The following ETFBKMT variants were observed in gnomAD, a reference collection of about 807,000 sequenced individuals.
ETFBKMT encodes electron transfer flavoprotein subunit beta lysine methyltransferase.
A neutral mutation model predicts 18.3 loss-of-function variants in ETFBKMT; 13 were observed. That is an observed-to-expected ratio of 0.71 (90% CI 0.46 to 1.13). ETFBKMT has a LOEUF of 1.13. Ranked by LOEUF, ETFBKMT falls within the 50% of genes most tolerant of loss-of-function variation. The pLI is 0.00. For synonymous variants in ETFBKMT, 84 were observed against 107.9 expected (o/e 0.78, Z 1.37); for missense variants, 293 against 306.2 (o/e 0.96, Z 0.32).
Position 31,666,363 on chromosome 12 carries a change from G to T in ETFBKMT, c.445+146G>T. ...ATCTCTGTGCACTGGGACATTATCTGTAGGAATCCCCTGAGGTCTGAGTAG... is the reference window on the plus strand; with the variant it reads ...ATCTCTGTGCACTGGGACATTATCTTTAGGAATCCCCTGAGGTCTGAGTAG... On this transcript the variant is annotated intron_variant, in intron 3 of 3. Transcript: ENST00000357721. 6.9e-6 allele frequency: 6 copies of T among 866,372 alleles called. No homozygotes were observed. The South Asian group carries it at 1.2e-4, about 18-fold the overall frequency. 53.7% of individuals were successfully genotyped at this position (866,372 alleles called of 1,614,324 possible). A position where few individuals can be genotyped will look rare whatever the true frequency, so the allele number is the denominator to read the frequency against.
At chr12:31,651,008 C>T (rs529597929) in intron 1 of ETFBKMT, among the ~76,000 whole-genome samples, 2 of 152,214 alleles carry the variant, frequency 1.3e-5, no homozygotes, top group East Asian at 3.9e-4. Context: ...GCACCATTAC[C>T]CCTCAAACCC....
At chr12:31,667,162 T>C (rs1347067043) in intron 3 of ETFBKMT, among the ~76,000 whole-genome samples, 1 of 152,114 alleles carries the variant, frequency 6.6e-6, no homozygotes, top group East Asian at 1.9e-4. Flanking sequence ...GCCCAGCTAA[T>C]TTTTGTATTT....
chr12:31,664,619 T>TC (rs1555183781), intron 2 of ETFBKMT, among the ~76,000 whole-genome samples: 3 of 149,594 alleles, frequency 2.0e-5, no homozygotes, highest in East Asian at 1.9e-4. Context: ...TTTCTTTCTT[T>TC]TTTTTTTTTT....
chr12:31,661,655 T>A lies in ETFBKMT; in HGVS notation c.-113-186T>A, dbSNP rs552980915. Among the ~76,000 whole-genome samples, 6 of 152,136 alleles carry A rather than the reference T, an allele frequency of 3.9e-5. No individual in the cohort carries two copies. In the East Asian group the frequency reaches 1.2e-3, roughly 29 times the overall value. On this transcript the variant is annotated intron_variant, in intron 1 of 3. Coordinates refer to ENST00000357721, the MANE Select transcript of ETFBKMT (RefSeq NM_001135863.2). ...TTTGTATTTTTAGTAGAGACAGGGT[T>A]TCACCATGATGGCCACACTGGTCTT... is the stretch of plus-strand genomic sequence containing the variant.
At position 31,672,255 on chromosome 12, in the gene ETFBKMT, A is replaced by G; in HGVS notation, c.*4265A>G. On this transcript the variant is annotated 3_prime_UTR_variant, in exon 4 of 4. Coordinates refer to ENST00000357721, the MANE Select transcript of ETFBKMT (RefSeq NM_001135863.2). Reference sequence around the variant, plus strand: ...AAATCTCTATAGATGGTTTCCTGGGAAAGTAGTTTTGATAAGCTTTCCTAG... The same window carrying G: ...AAATCTCTATAGATGGTTTCCTGGGGAAGTAGTTTTGATAAGCTTTCCTAG... 1 of 1,280,736 alleles carries G rather than the reference A, an allele frequency of 7.8e-7. No individual in the cohort carries two copies. Among genetic ancestry groups the G allele is most frequent in the East Asian group, 2.5e-5 (1 of 39,820 alleles). 79.3% of individuals were successfully genotyped at this position (1,280,736 alleles called of 1,614,324 possible). A position where few individuals can be genotyped will look rare whatever the true frequency, so the allele number is the denominator to read the frequency against.
In ETFBKMT at chr12:31,672,170, G is replaced by A. The variant is rs1334807509; in HGVS notation, c.*4180G>A. ...TATACCAAGACTTAGCTAATTCTCT[G>A]AGAGTTATAACTTAAGACAATAAAA... is the stretch of plus-strand genomic sequence containing the variant. On this transcript the variant is annotated 3_prime_UTR_variant, in exon 4 of 4. Coordinates refer to ENST00000357721, the MANE Select transcript of ETFBKMT (RefSeq NM_001135863.2). The A allele has an allele frequency of 4.6e-6, 3 of 650,612 alleles. No individual in the cohort carries two copies. The highest frequency in any genetic ancestry group is 2.8e-5 in the Admixed American group (1 of 35,986). The allele number at this position is 650,612 out of a possible 1,614,324, so 40.3% of individuals were successfully genotyped here. A position where few individuals can be genotyped will look rare whatever the true frequency, so the allele number is the denominator to read the frequency against.
rs141097213 is a variant in ETFBKMT at position 31,669,820 on chromosome 12, C to CT, written c.*1846dup. ...GGACAGATTCCTAGAGCTTTTGATTCTTTTTTTTTTTTTTTTGAGGCAGAG... is the reference window on the plus strand; with the variant it reads ...GGACAGATTCCTAGAGCTTTTGATTCTTTTTTTTTTTTTTTTTGAGGCAGAG... On this transcript the variant is annotated 3_prime_UTR_variant, in exon 4 of 4. Coordinates refer to ENST00000357721, the MANE Select transcript of ETFBKMT (RefSeq NM_001135863.2). 21,867 of 139,946 alleles carry CT rather than the reference C, an allele frequency of 0.16. 1,692 individuals are homozygous for CT. The highest frequency in any genetic ancestry group is 0.17 in the Non-Finnish European group (10,758 of 64,332). 8.7% of individuals were successfully genotyped at this position (139,946 alleles called of 1,614,324 possible).
rs2139631794 is a variant in ETFBKMT at position 31,667,861 on chromosome 12, G to A, written c.660G>A (p.Gly220=). The A allele has an allele frequency of 6.2e-7, 1 of 1,614,156 alleles. No homozygotes were observed. The highest frequency in any genetic ancestry group is 2.2e-5 in the East Asian group (1 of 44,886). ...CTCGAGTACTGATTGGTGACCCTGGGCGGCCCCAGTTCAGTGGACACAGCA... is the reference window on the plus strand; with the variant it reads ...CTCGAGTACTGATTGGTGACCCTGGACGGCCCCAGTTCAGTGGACACAGCA... ...YRTRVLIGDP[G]RPQFSGHSIQ... Residue 220 remains glycine, a synonymous_variant, in exon 4 of 4, where the codon GGG becomes GGA. Coordinates refer to ENST00000357721, the MANE Select transcript of ETFBKMT (RefSeq NM_001135863.2).
At chr12:31,656,284 G>A (rs1458797104), upstream of ETFBKMT, among the ~76,000 whole-genome samples, 1 of 152,178 alleles carries the variant, frequency 6.6e-6, no homozygotes, top group Middle Eastern at 3.2e-3. Context: ...CGAGTAGGTG[G>A]TTTGGACAGT....
rs776587047 is a variant in ETFBKMT at position 31,667,948 on chromosome 12, CAG to C, written c.748_749del (p.Ser250TrpfsTer29). 6.2e-7 allele frequency: 1 copy of C among 1,614,136 alleles called. No homozygotes were observed. Among genetic ancestry groups the C allele is most frequent in the East Asian group, 2.2e-5 (1 of 44,892 alleles). ...SLLESTRQEN[S>X]GLTTSTVWGF... Reference sequence around the variant, plus strand: ...TTTTGGAGTCTACTAGGCAGGAAAACAGTGGACTGACAACAAGCACAGTGTGG... The same window carrying C: ...TTTTGGAGTCTACTAGGCAGGAAAACTGGACTGACAACAAGCACAGTGTGG... On this transcript the variant is annotated frameshift_variant, in exon 4 of 4. Transcript: ENST00000357721. LOFTEE classifies it high-confidence loss of function.
intron 1 of ETFBKMT, among the ~76,000 whole-genome samples, chr12:31,654,132 C>A (rs1300495885): frequency 1.3e-5 from 2 of 152,168 alleles, no homozygotes; most frequent in African/African-American, 2.4e-5. Flanking sequence ...TCACTGCAAC[C>A]TCCACCTCCC....
intron 1 of ETFBKMT, among the ~76,000 whole-genome samples, chr12:31,648,843 G>A (rs1051973992): frequency 3.3e-5 from 5 of 151,884 alleles, no homozygotes; most frequent in African/African-American, 4.8e-5. Context: ...TTACAGGCGT[G>A]AGCCACCGCG....
chr12:31,664,464 C>G (rs1190695045), intron 2 of ETFBKMT, among the ~76,000 whole-genome samples: 1 of 152,146 alleles, frequency 6.6e-6, no homozygotes, highest in African/African-American at 2.4e-5. Flanking sequence ...GTATTCAATA[C>G]TTTGTCAGCC....
At chr12:31,657,057 A>G (rs1951068078), upstream of ETFBKMT, among the ~76,000 whole-genome samples, 1 of 152,248 alleles carries the variant, frequency 6.6e-6, no homozygotes, top group Non-Finnish European at 1.5e-5. Flanking sequence ...ACTGATTATT[A>G]AGAAGGTTTA....
chr12:31,667,016 A>G (rs1253141150), intron 3 of ETFBKMT, among the ~76,000 whole-genome samples: 2 of 142,220 alleles, frequency 1.4e-5, no homozygotes, highest in Non-Finnish European at 3.0e-5. Flanking sequence ...TTTTTTTGAT[A>G]CAGAGTCTCA....
At chr12:31,660,245 G>C (rs1951105644) in intron 1 of ETFBKMT, among the ~76,000 whole-genome samples, 1 of 151,102 alleles carries the variant, frequency 6.6e-6, no homozygotes, top group Non-Finnish European at 1.5e-5. Flanking sequence ...GAAATCGGAG[G>C]ATCTGGCAGC....
intron 1 of ETFBKMT, among the ~76,000 whole-genome samples, chr12:31,651,691 G>C (rs1208969436): frequency 2.0e-5 from 3 of 152,118 alleles, no homozygotes; most frequent in African/African-American, 7.2e-5. Context: ...GGGAATTGAT[G>C]CTACAATGGA....
chr12:31,666,437 A>T (rs1951197202), intron 3 of ETFBKMT, among the ~76,000 whole-genome samples: 1 of 152,138 alleles, frequency 6.6e-6, no homozygotes, highest in Non-Finnish European at 1.5e-5. Flanking sequence ...CATCCAGAGT[A>T]AGCACTTATG....
chr12:31,666,859 G>A (rs1180174950), intron 3 of ETFBKMT, among the ~76,000 whole-genome samples: 8 of 151,036 alleles, frequency 5.3e-5, no homozygotes, highest in South Asian at 2.1e-4. Flanking sequence ...GGGTTTCACC[G>A]TGTTATTCAG....
Sources: gnomAD v4.1 joint callset for allele counts (sites outside exome capture counted in the v4.1 genomes callset) on GRCh38, gnomAD v4.1.1 for gene constraint, MANE v1.5 for transcripts, NCBI Gene and HGNC (gene_info 2026-07-23, HGNC 2026-07-21) for gene names.